Variants in EVI5L observed in about 807,000 individuals in gnomAD.
The protein encoded by EVI5L is ecotropic viral integration site 5 like, also known as EVI5-like protein.
EVI5L carries 30 observed loss-of-function variants against 106.1 expected under a neutral mutation model. The ratio of observed to expected loss-of-function variants is 0.28; its 90% CI spans 0.21 to 0.38. The LOEUF (loss-of-function observed/expected upper bound fraction) is 0.38, where lower values mean the gene tolerates loss of function less well. Ranked by LOEUF, EVI5L falls within the 10% of genes least tolerant of loss-of-function variation. The probability of loss-of-function intolerance (pLI) is 1.00; values close to 1 mark genes in which losing one functional copy is unlikely to be tolerated. For missense variants in EVI5L, 809 were observed against 1,098.0 expected (o/e 0.74, Z 3.72); for synonymous variants, 489 against 483.3 (o/e 1.01, Z -0.15).
intron 6 of EVI5L, 133 bp from the exon 7 acceptor site, chr19:7,851,301 A>G: frequency 9.2e-7 from 1 of 1,087,288 alleles, no homozygotes; most frequent in Non-Finnish European, 1.3e-6. Flanking sequence ...CTGAGGGAGC[A>G]CCAGGAAGGG....
chr19:7,858,482 G>A lies in EVI5L; in HGVS notation c.1374+151G>A. On this transcript the variant is annotated intron_variant, in intron 13 of 19. Transcript: ENST00000538904. This position sits in a 1 kb window ranked among gnomAD's most constrained non-coding sequence, Gnocchi z 5.7. ...GGGTAAGGGGAACCCAGAGACAAGCGCAGATTCTCCCCCAGCAGCTCCACA... is the reference window on the plus strand; with the variant it reads ...GGGTAAGGGGAACCCAGAGACAAGCACAGATTCTCCCCCAGCAGCTCCACA... 2.0e-6 allele frequency: 2 copies of A among 982,280 alleles called. No individual in the cohort carries two copies. The highest frequency in any genetic ancestry group is 1.7e-5 in the South Asian group (1 of 57,936). The allele number at this position is 982,280 out of a possible 1,614,324, so 60.8% of individuals were successfully genotyped here.
At position 7,864,817 on chromosome 19, in the gene EVI5L, T is replaced by C. The variant is rs1222374519; in HGVS notation, c.*1115T>C. The stretch of plus-strand genomic sequence containing the variant: ...GGACCCCTGCTCCGTCCCCGCTTCC[T>C]AGCTGCCCACTTTTCAGTGTTACGA... On this transcript the variant is annotated 3_prime_UTR_variant, in exon 20 of 20. Transcript: ENST00000538904. This position sits in a 1 kb window ranked among gnomAD's most constrained non-coding sequence, Gnocchi z 4.5. 6.6e-6 allele frequency: 1 copy of C among 152,434 alleles called. No individual in the cohort carries two copies. The highest frequency in any genetic ancestry group is 2.4e-5 in the African/African-American group (1 of 41,442). The allele number at this position is 152,434 out of a possible 1,614,324, so 9.4% of individuals were successfully genotyped here. A position where few individuals can be genotyped will look rare whatever the true frequency, so the allele number is the denominator to read the frequency against.
Position 7,858,258 on chromosome 19 carries a change from G to A in EVI5L, c.1301G>A (p.Arg434Gln). The A allele has an allele frequency of 6.4e-7, 1 of 1,558,866 alleles. No homozygotes were observed. Among genetic ancestry groups the A allele is most frequent in the Non-Finnish European group, 8.7e-7 (1 of 1,151,658 alleles). The change falls in exon 13 of 20, where the codon CGG (arginine) becomes CAG (glutamine). Residue 434 changes from arginine to glutamine, a missense_variant. Physicochemically the swap from Arg to Gln is conservative, Grantham distance 43. Around this residue, in one of 2 missense-constraint regions of EVI5L, gnomAD observed 357 missense variants for 588.1 expected, o/e 0.61. Coordinates refer to ENST00000538904, the MANE Select transcript of EVI5L (RefSeq NM_001159944.3). The surrounding 1 kb of genome is among the most constrained non-coding windows in gnomAD (Gnocchi z 5.7). ...ATCAAGCGGGAGCTGGCGGTGGTGC[G>A]GCAGCAGTGCAGCTCGGCGGCCGAG... ...YVIKRELAVV[R>Q]QQCSSAAEDL... is the part of the protein sequence containing the mutation.
rs72992200 is a variant in EVI5L at position 7,856,729 on chromosome 19, G to A, written c.1201-363G>A. 2.7e-3 allele frequency among the ~76,000 whole-genome samples: 413 copies of A among 152,210 alleles called. No homozygotes were observed. Among genetic ancestry groups the A allele is most frequent in the Non-Finnish European group, 4.5e-3 (304 of 68,008 alleles). On this transcript the variant is annotated intron_variant, in intron 11 of 19. Transcript: ENST00000538904. The surrounding 1 kb of genome is among the most constrained non-coding windows in gnomAD (Gnocchi z 6.6). Reference sequence around the variant, plus strand: ...GCACCCCCTCCTCTCCCACTCTCCAGGAGGTCCGCACGAAGCCAAAAGTCC... The same window carrying A: ...GCACCCCCTCCTCTCCCACTCTCCAAGAGGTCCGCACGAAGCCAAAAGTCC...
chr19:7,832,501 G>A (rs1287441947), intron 1 of EVI5L, among the ~76,000 whole-genome samples: 1 of 152,158 alleles, frequency 6.6e-6, no homozygotes, highest in Admixed American at 6.6e-5. Flanking sequence ...TGCGGGGAGA[G>A]CGGCTAAATT....
At chr19:7,842,425 ATG>A (rs1280139792) in intron 1 of EVI5L, among the ~76,000 whole-genome samples, 3 of 147,984 alleles carry the variant, frequency 2.0e-5, no homozygotes, top group Non-Finnish European at 3.0e-5. Flanking sequence ...AAGTGTGTGC[ATG>A]TGTGTGCATG....
intron 17 of EVI5L, 68 bp downstream of exon 17, chr19:7,862,602 G>T: frequency 8.2e-7 from 1 of 1,218,252 alleles, no homozygotes. Context: ...ATGAGGCCCC[G>T]CCCCCAATCC....
intron 2 of EVI5L, 146 bp downstream of exon 2, chr19:7,846,825 C>T: frequency 8.8e-7 from 1 of 1,130,676 alleles, no homozygotes; most frequent in South Asian, 1.6e-5. Context: ...GGACAGACAC[C>T]TCCTTTCATC....
Position 7,837,106 on chromosome 19 carries a change from G to A in EVI5L, c.-48+6725G>A, listed in dbSNP as rs558308544. Among the ~76,000 whole-genome samples, 322 of 151,260 alleles carry A rather than the reference G, an allele frequency of 2.1e-3. 1 individual carries two copies. Among genetic ancestry groups the A allele is most frequent in the African/African-American group, 6.1e-3 (254 of 41,302 alleles). Reference sequence around the variant, plus strand: ...AGCACTTTGGGAGGCTGAGGCGGGCGGATCACCTGAGGTCAGGAGTTCAAA... The same window carrying A: ...AGCACTTTGGGAGGCTGAGGCGGGCAGATCACCTGAGGTCAGGAGTTCAAA... On this transcript the variant is annotated intron_variant, in intron 1 of 19. Transcript: ENST00000538904.
intron 1 of EVI5L, among the ~76,000 whole-genome samples, chr19:7,832,710 G>T (rs547684162): frequency 2.0e-5 from 3 of 152,310 alleles, no homozygotes; most frequent in South Asian, 2.1e-4. Flanking sequence ...GAGCTGTATT[G>T]CAGGGAGCCA....
chr19:7,846,720 C>A, intron 2 of EVI5L, 41 bp downstream of exon 2: 2 of 1,594,028 alleles, frequency 1.3e-6, no homozygotes. Context: ...TCTTGGGGTG[C>A]AGTCTGGGCC....
intron 1 of EVI5L, among the ~76,000 whole-genome samples, chr19:7,832,965 G>A (rs766785187): frequency 1.1e-4 from 16 of 152,202 alleles, no homozygotes; most frequent in East Asian, 1.9e-4. Flanking sequence ...TGAAGGTCAC[G>A]TGGTATCTCT....
chr19:7,858,106 G>GCCT lies in EVI5L; in HGVS notation c.1234-82_1234-80dup, dbSNP rs1284484848. On this transcript the variant is annotated intron_variant, in intron 12 of 19. Transcript: ENST00000538904. The surrounding 1 kb of genome is among the most constrained non-coding windows in gnomAD (Gnocchi z 5.7). ...ACTTCCCCCCACCTCCACTCTCTGG[G>GCCT]CCTCCCCCTGTGGCGGGAGGCAGGG... The GCCT allele has an allele frequency of 2.0e-6, 3 of 1,495,104 alleles. No homozygotes were observed. The highest frequency in any genetic ancestry group is 4.2e-5 in the Admixed American group (2 of 47,266). The allele number at this position is 1,495,104 out of a possible 1,614,324, so 92.6% of individuals were successfully genotyped here.
At chr19:7,834,437 AT>A (rs1189446447) in intron 1 of EVI5L, among the ~76,000 whole-genome samples, 2 of 151,738 alleles carry the variant, frequency 1.3e-5, no homozygotes, top group Non-Finnish European at 2.9e-5. Context: ...AAGAAAGAAA[AT>A]TTTTTTTTAG....
chr19:7,859,190 C>CA (rs61053600), intron 13 of EVI5L: 25,824 of 92,926 alleles, frequency 0.28, 3,168 homozygotes, highest in African/African-American at 0.36. Flanking sequence ...GACTCCATCT[C>CA]AAAAAAAAAA....
chr19:7,856,644 G>C lies in EVI5L; in HGVS notation c.1201-448G>C, dbSNP rs1256220459. 1.3e-5 allele frequency among the ~76,000 whole-genome samples: 2 copies of C among 152,062 alleles called. No homozygotes were observed. The highest frequency in any genetic ancestry group is 2.9e-5 in the Non-Finnish European group (2 of 68,004). Reference sequence around the variant, plus strand: ...ACCCTCCACTGGCCACAGGAAGTGGGTTGGCAGCCGGATTTGGTTGCCCTC... The same window carrying C: ...ACCCTCCACTGGCCACAGGAAGTGGCTTGGCAGCCGGATTTGGTTGCCCTC... On this transcript the variant is annotated intron_variant, in intron 11 of 19. Transcript: ENST00000538904. The surrounding 1 kb of genome is among the most constrained non-coding windows in gnomAD (Gnocchi z 6.6).
At position 7,857,295 on chromosome 19, in the gene EVI5L, G is replaced by A. The variant is rs923274222; in HGVS notation, c.1233+171G>A. 133 of 856,942 alleles carry A rather than the reference G, an allele frequency of 1.6e-4. No homozygotes were observed. Among genetic ancestry groups the A allele is most frequent in the Middle Eastern group, 3.4e-4 (1 of 2,932 alleles). The allele number at this position is 856,942 out of a possible 1,614,324, so 53.1% of individuals were successfully genotyped here. A position where few individuals can be genotyped will look rare whatever the true frequency, so the allele number is the denominator to read the frequency against. On this transcript the variant is annotated intron_variant, in intron 12 of 19. Transcript: ENST00000538904. The surrounding 1 kb of genome is among the most constrained non-coding windows in gnomAD (Gnocchi z 4.5). Reference sequence around the variant, plus strand: ...GGACACAGAGGCTTCCCGGGGGGGCGGGGCATGTGAAGTGGGGAGAAGGGT... The same window carrying A: ...GGACACAGAGGCTTCCCGGGGGGGCAGGGCATGTGAAGTGGGGAGAAGGGT...
chr19:7,831,226 AACACACACACACACACACACACACACAC>A (rs4045095), intron 1 of EVI5L, among the ~76,000 whole-genome samples: 2 of 130,364 alleles, frequency 1.5e-5, no homozygotes, highest in South Asian at 2.5e-4. Context: ...GAAAACCCCA[AACACACACACACACACACACACACACAC>A]ACACACACAC....
chr19:7,862,505 C>A lies in EVI5L; in HGVS notation c.1918C>A (p.Arg640Ser). 6.4e-7 allele frequency: 1 copy of A among 1,565,898 alleles called. No homozygotes were observed. The highest frequency in any genetic ancestry group is 8.6e-7 in the Non-Finnish European group (1 of 1,157,094). ...KGLQTQLSES[R>S]RKQAEAECKS... ...GCTGCAGACGCAGCTCAGCGAAAGC[C>A]GCCGCAAGCAGGCCGAGGCCGAGTG... The change falls in exon 17 of 20, where the codon CGC becomes AGC. Residue 640 changes from arginine (R) to serine (S), a missense_variant. This residue lies in a region of EVI5L where 452 missense variants were observed against 509.9 expected (regional missense o/e 0.89). Transcript: ENST00000538904.
Sources: gnomAD v4.1 joint callset for allele counts (sites outside exome capture counted in the v4.1 genomes callset) on GRCh38, gnomAD v4.1.1 for gene constraint, gnomAD v4.1.1 regional missense constraint, Gnocchi (gnomAD v3.1) non-coding constraint, MANE v1.5 for transcripts, NCBI Gene and HGNC (gene_info 2026-07-23, HGNC 2026-07-21) for gene names.